CAST: variants seen among roughly 807,000 people sequenced by gnomAD.
CAST encodes the protein MIR583 host.
Under a neutral mutation model 119.6 loss-of-function variants are expected in CAST, and 76 were observed. That is an observed-to-expected ratio of 0.64 (90% CI 0.53 to 0.77). CAST has a LOEUF of 0.77. Ranked by LOEUF, CAST falls within the 30% of genes least tolerant of loss-of-function variation. CAST has a pLI of 0.00. For synonymous variants in CAST, 319 were observed against 331.6 expected (o/e 0.96, Z 0.41); for missense variants, 953 against 946.5 (o/e 1.01, Z -0.09).
At chr5:96,431,118 G>A in the CAST span, among the ~76,000 whole-genome samples, 1 of 152,178 alleles carries the variant, frequency 6.6e-6, no homozygotes, top group African/African-American at 2.4e-5. Flanking sequence ...ACCCCCATAG[G>A]TCATACATGA....
the CAST span, among the ~76,000 whole-genome samples, chr5:96,250,017 G>A: frequency 6.6e-6 from 1 of 152,022 alleles, no homozygotes; most frequent in Non-Finnish European, 1.5e-5. Flanking sequence ...TGGCTTCTGT[G>A]GCTCTCCATA....
chr5:96,306,277 T>A, the CAST span, among the ~76,000 whole-genome samples: 1 of 152,252 alleles, frequency 6.6e-6, no homozygotes, highest in Admixed American at 6.5e-5. Flanking sequence ...TGTATTTCTT[T>A]GGGATCAGTG....
intron 3 of CAST, among the ~76,000 whole-genome samples, chr5:96,709,435 T>C (rs926737941): frequency 6.6e-6 from 1 of 152,228 alleles, no homozygotes; most frequent in Non-Finnish European, 1.5e-5. Flanking sequence ...CCCTCCCCGT[T>C]AGGTTACTTG....
the CAST span, among the ~76,000 whole-genome samples, chr5:96,041,146 C>T: frequency 2.0e-5 from 3 of 152,090 alleles, no homozygotes; most frequent in Admixed American, 1.3e-4. Context: ...ATAGTAACTT[C>T]CTTCTTAAGA....
the CAST span, among the ~76,000 whole-genome samples, chr5:96,412,762 T>TTTTGTTTTTTTTTTTG: frequency 6.9e-6 from 1 of 144,360 alleles, no homozygotes; most frequent in African/African-American, 2.8e-5. Flanking sequence ...GTTTTTTTTT[T>TTTTGTTTTTTTTTTTG]TTTTTTTTTT....
the CAST span, among the ~76,000 whole-genome samples, chr5:96,495,962 G>C: frequency 6.6e-5 from 10 of 152,036 alleles, no homozygotes; most frequent in Non-Finnish European, 1.2e-4. Flanking sequence ...AAAAGAAAAG[G>C]CCTTTAATTA....
chr5:96,416,261 A>G, the CAST span: 4 of 682,656 alleles, frequency 5.9e-6, no homozygotes, highest in Admixed American at 4.1e-5. Flanking sequence ...TTAAATTAGT[A>G]TAACATAAAA....
At chr5:96,469,348 T>C in the CAST span, among the ~76,000 whole-genome samples, 1 of 152,026 alleles carries the variant, frequency 6.6e-6, no homozygotes, top group Non-Finnish European at 1.5e-5. Flanking sequence ...TGAATATGAT[T>C]ATGTTTTGTT....
At chr5:96,367,967 G>T in the CAST span, among the ~76,000 whole-genome samples, 2 of 151,812 alleles carry the variant, frequency 1.3e-5, no homozygotes, top group African/African-American at 4.8e-5. Flanking sequence ...TCTTGAAATC[G>T]CCCCCTCTAG....
chr5:96,694,920 A>C (rs1453046490), intron 2 of CAST, among the ~76,000 whole-genome samples: 1 of 152,208 alleles, frequency 6.6e-6, no homozygotes, highest in African/African-American at 2.4e-5. Context: ...CTATTTTATA[A>C]TTTAACTTTT....
At chr5:96,086,158 GTTT>G in the CAST span, among the ~76,000 whole-genome samples, 2 of 151,816 alleles carry the variant, frequency 1.3e-5, no homozygotes, top group East Asian at 3.9e-4. Context: ...GTCATACTGT[GTTT>G]TTTAACTTAT....
chr5:95,973,965 G>C, the CAST span, among the ~76,000 whole-genome samples: 1 of 151,774 alleles, frequency 6.6e-6, no homozygotes, highest in African/African-American at 2.4e-5. Flanking sequence ...TTTAAGTTGA[G>C]TTTCTCTGCA....
intron 1 of CAST, among the ~76,000 whole-genome samples, chr5:96,626,624 C>T (rs1747728861): frequency 6.6e-6 from 1 of 152,228 alleles, no homozygotes; most frequent in Non-Finnish European, 1.5e-5. Context: ...CCAGATCCAA[C>T]ATCCCTGCCA....
chr5:96,410,810 G>A, the CAST span: 60 of 1,613,966 alleles, frequency 3.7e-5, no homozygotes, highest in Non-Finnish European at 4.8e-5. Flanking sequence ...TGCTGTAAGA[G>A]GTGGCCAGTG....
chr5:96,481,542 G>A, the CAST span, among the ~76,000 whole-genome samples: 3 of 152,102 alleles, frequency 2.0e-5, no homozygotes, highest in Non-Finnish European at 2.9e-5. Context: ...CATTTACAAA[G>A]CAAGCCATGT....
the CAST span, among the ~76,000 whole-genome samples, chr5:96,078,837 A>G: frequency 2.0e-5 from 3 of 152,198 alleles, no homozygotes; most frequent in African/African-American, 7.2e-5. Context: ...ACACAGGAAC[A>G]GAAAACCAAG....
chr5:96,217,333 G>A, the CAST span, among the ~76,000 whole-genome samples: 3 of 150,106 alleles, frequency 2.0e-5, no homozygotes, highest in African/African-American at 7.4e-5. Context: ...CAGCCACTGC[G>A]AGTGGCCAAA....
At chr5:96,412,277 G>A in the CAST span, 2 of 1,514,250 alleles carry the variant, frequency 1.3e-6, no homozygotes, top group Non-Finnish European at 1.8e-6. Context: ...TATCCAGATG[G>A]TCAGGTTTCA....
the CAST span, among the ~76,000 whole-genome samples, chr5:96,089,066 C>CTTT: frequency 1.7e-5 from 2 of 117,700 alleles, no homozygotes; most frequent in Non-Finnish European, 3.6e-5. Context: ...CTCCAAAAAT[C>CTTT]TTTTTTTTTT....
Sources: allele counts gnomAD v4.1 joint callset (sites outside exome capture counted in the v4.1 genomes callset), GRCh38; gene constraint gnomAD v4.1.1; transcripts MANE v1.5; gene names NCBI Gene and HGNC (gene_info 2026-07-23, HGNC 2026-07-21).